Variants in THBS4 observed in about 807,000 individuals in gnomAD.
The protein encoded by THBS4 is thrombospondin 4.
Under a neutral mutation model 115.7 loss-of-function variants are expected in THBS4, and 90 were observed. That is an observed-to-expected ratio of 0.78 (90% CI 0.66 to 0.93). The LOEUF is 0.93. Among genes scored for constraint, THBS4 ranks in the 40% least tolerant of loss-of-function variants. THBS4 has a pLI of 0.00. For missense variants in THBS4, 1,087 were observed against 1,232.7 expected (o/e 0.88, Z 1.77); for synonymous variants, 460 against 479.3 (o/e 0.96, Z 0.53).
At chr5:80,054,823 G>A (rs565416087) in intron 2 of THBS4, among the ~76,000 whole-genome samples, 3 of 152,212 alleles carry the variant, frequency 2.0e-5, no homozygotes, top group South Asian at 2.1e-4. Context: ...GCTGAGGGAC[G>A]ATATGACAGA....
chr5:80,075,887 GT>G (rs1743180852), intron 15 of THBS4: 1 of 152,232 alleles, frequency 6.6e-6, no homozygotes, highest in African/African-American at 2.4e-5. Context: ...GACCCTTTCT[GT>G]CCCCCTGTAC....
Position 80,055,956 on chromosome 5 carries a change from A to G in THBS4, c.464A>G (p.Asn155Ser), listed in dbSNP as rs760785456. The G allele has an allele frequency of 5.0e-6, 8 of 1,614,038 alleles. No individual in the cohort carries two copies. The highest frequency in any genetic ancestry group is 5.9e-6 in the Non-Finnish European group (7 of 1,180,036). Residue 155 changes from asparagine (N) to serine (S), a missense_variant, in exon 3 of 22, where the codon AAT becomes AGT. This residue lies in a region of THBS4 where 979 missense variants were observed against 1,103.7 expected (regional missense o/e 0.89). Coordinates refer to ENST00000350881, the MANE Select transcript of THBS4 (RefSeq NM_003248.6). ...TGCATCCAGGTGGATTCCGTTCACA[A>G]TCTCCCCAGGGCCTTTGCTGGCCCC... Reference protein sequence around the residue: ...LDCIQVDSVHNLPRAFAGPSQ... With the variant: ...LDCIQVDSVHSLPRAFAGPSQ...
At chr5:80,056,143 G>A (rs968691960) in intron 3 of THBS4, 111 bp downstream of exon 3, 49 of 1,297,070 alleles carry the variant, frequency 3.8e-5, no homozygotes, top group Admixed American at 2.6e-4. Flanking sequence ...GTCTAATGCC[G>A]CTTGCACATC....
At chr5:80,034,059 G>A (rs1832638368), upstream of THBS4, among the ~76,000 whole-genome samples, 1 of 152,142 alleles carries the variant, frequency 6.6e-6, no homozygotes, top group South Asian at 2.1e-4. Context: ...CTGGGAACAT[G>A]GTCTGGAGAT....
intron 1 of THBS4, among the ~76,000 whole-genome samples, chr5:80,039,524 AC>A (rs1184387318): frequency 6.6e-6 from 1 of 152,212 alleles, no homozygotes; most frequent in Non-Finnish European, 1.5e-5. Flanking sequence ...TTGTAAAGGC[AC>A]AAAGGGAACA....
At chr5:80,055,666 A>C (rs1833399095) in intron 2 of THBS4, 119 bp from the exon 3 acceptor site, 9 of 1,383,620 alleles carry the variant, frequency 6.5e-6, no homozygotes, top group Non-Finnish European at 8.9e-6. Flanking sequence ...TCCGTCCAGC[A>C]ACCCAGTCTT....
chr5:80,005,835 C>T (rs894955082), intron 2 of THBS4, among the ~76,000 whole-genome samples: 2 of 145,392 alleles, frequency 1.4e-5, no homozygotes, highest in Non-Finnish European at 3.0e-5. Flanking sequence ...GGCGCGATCT[C>T]GGCTCACTGC....
intron 1 of THBS4, among the ~76,000 whole-genome samples, chr5:80,039,506 T>A (rs987717824): frequency 6.6e-6 from 1 of 152,210 alleles, no homozygotes; most frequent in African/African-American, 2.4e-5. Flanking sequence ...CAGAGAAATG[T>A]TGGAGAATTG....
chr5:80,060,644 C>T (rs1181780283), intron 7 of THBS4, among the ~76,000 whole-genome samples: 5 of 152,090 alleles, frequency 3.3e-5, no homozygotes, highest in African/African-American at 1.2e-4. Flanking sequence ...CCTGTGGTCC[C>T]AGCTACTCTG....
At chr5:80,000,368 G>A (rs1263861408) in intron 2 of THBS4, among the ~76,000 whole-genome samples, 1 of 152,128 alleles carries the variant, frequency 6.6e-6, no homozygotes, top group African/African-American at 2.4e-5. Flanking sequence ...TGACCACAAA[G>A]TCTACCCCTC....
At position 80,058,245 on chromosome 5, in the gene THBS4, C is replaced by T. The variant is rs1383612241; in HGVS notation, c.580C>T (p.Leu194=). 6.3e-7 allele frequency: 1 copy of T among 1,579,450 alleles called. No individual in the cohort carries two copies. The highest frequency in any genetic ancestry group is 1.2e-5 in the South Asian group (1 of 86,136). Residue 194 remains leucine (L), a synonymous_variant, in exon 4 of 22, where the codon CTG becomes TTG. Transcript: ENST00000350881. ...EELKLVVRGS[L]FQVASLQDCF... ...GCTGAAGCTGGTGGTGAGAGGCTCACTGTTCCAGGTGGCCAGCCTGCAAGA... is the reference window on the plus strand; with the variant it reads ...GCTGAAGCTGGTGGTGAGAGGCTCATTGTTCCAGGTGGCCAGCCTGCAAGA...
At chr5:80,072,217 C>T (rs555039680) in intron 13 of THBS4, 61 bp from the exon 14 acceptor site, 11 of 1,484,838 alleles carry the variant, frequency 7.4e-6, no homozygotes, top group Non-Finnish European at 9.3e-6. Context: ...CCTGATCTCT[C>T]CAGCACCTAG....
chr5:80,058,793 A>T lies in THBS4; in HGVS notation c.732+3A>T. On this transcript the variant is annotated splice_donor_region_variant and intron_variant, in intron 5 of 21. Coordinates refer to ENST00000350881, the MANE Select transcript of THBS4 (RefSeq NM_003248.6). ...TGAAGGACCTTCTGAGACAGCAGGT[A>T]ACAAGCGGGACATATCATCAGAAAA... The T allele has an allele frequency of 6.2e-7, 1 of 1,613,178 alleles. No homozygotes were observed. The highest frequency in any genetic ancestry group is 8.5e-7 in the Non-Finnish European group (1 of 1,179,432).
intron 2 of THBS4, among the ~76,000 whole-genome samples, chr5:80,053,900 C>T (rs1426910377): frequency 6.6e-6 from 1 of 152,126 alleles, no homozygotes; most frequent in Non-Finnish European, 1.5e-5. Flanking sequence ...TCACTTTGGT[C>T]TTTCTAGCAA....
In THBS4 at chr5:80,078,070, G is replaced by A; in HGVS notation, c.2108G>A (p.Cys703Tyr). Residue 703 changes from cysteine (C) to tyrosine (Y), a missense_variant, in exon 17 of 22, where the codon TGT becomes TAT. Around this residue, in one of 3 missense-constraint regions of THBS4, gnomAD observed 979 missense variants for 1,103.7 expected, o/e 0.89. Transcript: ENST00000350881. ...DSNSDGVGDICESDFDQDQVI... is the reference protein window; with the variant it reads ...DSNSDGVGDIYESDFDQDQVI... ...TCAGGCGACGGAGTGGGAGACATCT[G>A]TGAGTCTGACTTTGACCAGGACCAG... The A allele has an allele frequency of 6.3e-7, 1 of 1,596,112 alleles. No homozygotes were observed. The highest frequency in any genetic ancestry group is 8.6e-7 in the Non-Finnish European group (1 of 1,167,828).
chr5:80,007,809 C>T (rs541641784), intron 2 of THBS4, among the ~76,000 whole-genome samples: 6 of 152,226 alleles, frequency 3.9e-5, no homozygotes, highest in South Asian at 4.1e-4. Context: ...TTGTTTGGGG[C>T]ATTATTGTCA....
At chr5:80,029,233 A>G (rs1264238170) in intron 2 of THBS4, among the ~76,000 whole-genome samples, 1 of 152,214 alleles carries the variant, frequency 6.6e-6, no homozygotes, top group African/African-American at 2.4e-5. Context: ...ACTCCACATC[A>G]TATTTTCTTA....
At chr5:80,026,661 A>G (rs925425407) in intron 2 of THBS4, among the ~76,000 whole-genome samples, 2 of 152,246 alleles carry the variant, frequency 1.3e-5, no homozygotes, top group Non-Finnish European at 2.9e-5. Flanking sequence ...TGATTTTCAC[A>G]TCACAAATAT....
intron 2 of THBS4, among the ~76,000 whole-genome samples, chr5:80,010,015 C>T (rs779474246): frequency 4.6e-5 from 7 of 152,116 alleles, no homozygotes; most frequent in Non-Finnish European, 1.0e-4. Context: ...TGCCTGTAGT[C>T]CCAGCTACTC....
Sources: allele counts gnomAD v4.1 joint callset (sites outside exome capture counted in the v4.1 genomes callset), GRCh38; gene constraint gnomAD v4.1.1; regional missense constraint gnomAD v4.1.1; transcripts MANE v1.5; gene names NCBI Gene and HGNC (gene_info 2026-07-23, HGNC 2026-07-21).